PPP6R2: variants seen among roughly 807,000 people sequenced by gnomAD.
PPP6R2 encodes protein phosphatase 6 regulatory subunit 2.
PPP6R2 carries 62 observed loss-of-function variants against 100.2 expected under a neutral mutation model. The ratio of observed to expected loss-of-function variants is 0.62; its 90% CI spans 0.50 to 0.76. The LOEUF (loss-of-function observed/expected upper bound fraction) is 0.76. PPP6R2 is among the 30% of genes least tolerant of loss of function. The pLI is 0.00. For missense variants in PPP6R2, 1,142 were observed against 1,276.3 expected (o/e 0.89, Z 1.60); for synonymous variants, 525 against 514.7 (o/e 1.02, Z -0.27).
intron 6 of PPP6R2, among the ~76,000 whole-genome samples, chr22:50,418,557 T>A (rs1041778948): frequency 3.9e-5 from 6 of 152,104 alleles, no homozygotes; most frequent in African/African-American, 1.4e-4. Context: ...CGGCTAATTT[T>A]TTGTATTTTT....
chr22:50,380,901 A>G (rs2052748165), intron 2 of PPP6R2, among the ~76,000 whole-genome samples: 1 of 150,622 alleles, frequency 6.6e-6, no homozygotes, highest in Non-Finnish European at 1.5e-5. Context: ...AGGCAGGAGA[A>G]TGGCCTGAAC....
chr22:50,434,953 C>A lies in PPP6R2; in HGVS notation c.1401-13C>A, dbSNP rs375077895. 6.3e-7 allele frequency: 1 copy of A among 1,598,268 alleles called. No homozygotes were observed. The highest frequency in any genetic ancestry group is 1.3e-5 in the African/African-American group (1 of 74,754). The stretch of plus-strand genomic sequence containing the variant: ...GGCCAGGAGGCCGCCCCGATGGTGC[C>A]TGTTGCTTTCAGGGCAGCGGGTGGC... On this transcript the variant is annotated splice_polypyrimidine_tract_variant and intron_variant, in intron 12 of 23. Coordinates refer to ENST00000612753, the MANE Select transcript of PPP6R2 (RefSeq NM_001242898.2).
At chr22:50,357,681 G>A (rs1035398763) in intron 1 of PPP6R2, among the ~76,000 whole-genome samples, 3 of 151,244 alleles carry the variant, frequency 2.0e-5, no homozygotes, top group East Asian at 3.9e-4. Flanking sequence ...AGGTTGGAGT[G>A]CAGTGGCATG....
At chr22:50,397,537 GCT>G (rs2057158756) in intron 3 of PPP6R2, among the ~76,000 whole-genome samples, 4 of 118,020 alleles carry the variant, frequency 3.4e-5, no homozygotes, top group African/African-American at 1.7e-4. Flanking sequence ...GACTTGGGAT[GCT>G]GGGGGGCAGG....
At chr22:50,363,683 G>T (rs990870637) in intron 1 of PPP6R2, among the ~76,000 whole-genome samples, 2 of 152,116 alleles carry the variant, frequency 1.3e-5, no homozygotes, top group South Asian at 2.1e-4. Flanking sequence ...CTGCTCTTAC[G>T]GACGGACCTG....
intron 1 of PPP6R2, among the ~76,000 whole-genome samples, chr22:50,359,615 CAT>C (rs1270944877): frequency 2.0e-5 from 3 of 152,120 alleles, no homozygotes. Flanking sequence ...CCTTTATCCA[CAT>C]GTGATATGTT....
In PPP6R2 at chr22:50,444,019, C is replaced by T; in HGVS notation, c.2733C>T (p.Val911=). The T allele has an allele frequency of 6.2e-7, 1 of 1,613,508 alleles. No homozygotes were observed. Among genetic ancestry groups the T allele is most frequent in the Non-Finnish European group, 8.5e-7 (1 of 1,179,962 alleles). Reference sequence around the variant, plus strand: ...GCCCCGCCATACCCACCCCAGCAGTCTCTTCTGCACTGGCCGTGGCGGTCC... The same window carrying T: ...GCCCCGCCATACCCACCCCAGCAGTTTCTTCTGCACTGGCCGTGGCGGTCC... ...KAGPAIPTPA[V]SSALAVAVPL... The change falls in exon 23 of 24, where the codon GTC becomes GTT. Residue 911 remains valine (V), a synonymous_variant. Coordinates refer to ENST00000612753, the MANE Select transcript of PPP6R2 (RefSeq NM_001242898.2).
intron 8 of PPP6R2, 130 bp downstream of exon 8, chr22:50,419,592 G>C: frequency 1.5e-6 from 1 of 676,022 alleles, no homozygotes; most frequent in Non-Finnish European, 2.6e-6. Flanking sequence ...AACATGGATA[G>C]ATTCCCCTTG....
At position 50,440,052 on chromosome 22, in the gene PPP6R2, G is replaced by A. The variant is rs1450327400; in HGVS notation, c.2374+3G>A. The A allele has an allele frequency of 2.5e-6, 4 of 1,610,984 alleles. No homozygotes were observed. Among genetic ancestry groups the A allele is most frequent in the Non-Finnish European group, 3.4e-6 (4 of 1,178,372 alleles). On this transcript the variant is annotated splice_donor_region_variant and intron_variant, in intron 21 of 23. Coordinates refer to ENST00000612753, the MANE Select transcript of PPP6R2 (RefSeq NM_001242898.2). ...GAGCCAAGGCCCTGAGAAAGCCTGT[G>A]AGTAGGAGCAGTGCAGGCGGCACCC...
chr22:50,339,886 T>TG (rs2042352078), upstream of PPP6R2, among the ~76,000 whole-genome samples: 1 of 111,920 alleles, frequency 8.9e-6, no homozygotes, highest in Admixed American at 9.7e-5. Flanking sequence ...GTGGTGTGTG[T>TG]GTGGGGTGTG....
At chr22:50,409,198 A>C (rs899612044) in intron 4 of PPP6R2, among the ~76,000 whole-genome samples, 4 of 152,122 alleles carry the variant, frequency 2.6e-5, no homozygotes, top group Non-Finnish European at 5.9e-5. Context: ...AAACTGTGGG[A>C]GTAGCCTAAA....
At chr22:50,361,761 ACAACAAATATAG>A (rs886660440) in intron 1 of PPP6R2, among the ~76,000 whole-genome samples, 1 of 151,896 alleles carries the variant, frequency 6.6e-6, no homozygotes, top group African/African-American at 2.4e-5. Flanking sequence ...TATATTATTG[ACAACAAATATAG>A]CATAGGTGCG....
In PPP6R2 at chr22:50,356,058, G is replaced by A. The variant is rs2046493396; in HGVS notation, c.-148+12508G>A. 1.1e-4 allele frequency among the ~76,000 whole-genome samples: 16 copies of A among 150,240 alleles called. No homozygotes were observed. The South Asian group carries it at 3.2e-3, about 30-fold the overall frequency. ...GCTCACTGCAAGCTCCGCCTCCCAGGTTCATGCCATTCTCCTGCCTCAGCC... is the reference window on the plus strand; with the variant it reads ...GCTCACTGCAAGCTCCGCCTCCCAGATTCATGCCATTCTCCTGCCTCAGCC... On this transcript the variant is annotated intron_variant, in intron 1 of 23. Coordinates refer to ENST00000612753, the MANE Select transcript of PPP6R2 (RefSeq NM_001242898.2).
At chr22:50,352,898 C>T (rs1056634493) in intron 1 of PPP6R2, among the ~76,000 whole-genome samples, 1 of 151,640 alleles carries the variant, frequency 6.6e-6, no homozygotes, top group South Asian at 2.1e-4. Context: ...GAAACCTCAT[C>T]GCTACAAAAT....
intron 2 of PPP6R2, among the ~76,000 whole-genome samples, chr22:50,392,913 A>G (rs771692145): frequency 2.6e-5 from 4 of 152,238 alleles, no homozygotes; most frequent in Non-Finnish European, 5.9e-5. Flanking sequence ...TAAGTAAAAA[A>G]TTAGATAAGA....
intron 3 of PPP6R2, among the ~76,000 whole-genome samples, chr22:50,400,265 C>T (rs1485355716): frequency 6.6e-6 from 1 of 152,226 alleles, no homozygotes; most frequent in Non-Finnish European, 1.5e-5. Context: ...CCATCCACTC[C>T]ACATCCATTG....
rs2061621665 is a variant in PPP6R2 at position 50,423,678 on chromosome 22, G to T, written c.1125+64G>T. The T allele has an allele frequency of 6.3e-7, 1 of 1,585,790 alleles. No individual in the cohort carries two copies. Among genetic ancestry groups the T allele is most frequent in the Non-Finnish European group, 8.6e-7 (1 of 1,160,068 alleles). Reference sequence around the variant, plus strand: ...TGTGCCGGGCATGGCCTGTGGACTTGTCAGGAGCAGCAGAGCAGGGCCCCA... The same window carrying T: ...TGTGCCGGGCATGGCCTGTGGACTTTTCAGGAGCAGCAGAGCAGGGCCCCA... On this transcript the variant is annotated intron_variant, in intron 10 of 23. Transcript: ENST00000612753. The surrounding 1 kb of genome is among the most constrained non-coding windows in gnomAD (Gnocchi z 4.8).
upstream of PPP6R2, among the ~76,000 whole-genome samples, chr22:50,343,056 TTAAC>T (rs913185357): frequency 6.6e-6 from 1 of 152,154 alleles, no homozygotes; most frequent in Admixed American, 6.5e-5. Context: ...TACAACAAAA[TTAAC>T]TATGCTTGCA....
intron 22 of PPP6R2, among the ~76,000 whole-genome samples, chr22:50,441,642 G>A (rs1359488754): frequency 6.6e-6 from 1 of 151,392 alleles, no homozygotes; most frequent in Non-Finnish European, 1.5e-5. Flanking sequence ...TTGCAGGCTG[G>A]CAGAGGCCCA....
Sources: allele counts gnomAD v4.1 joint callset (sites outside exome capture counted in the v4.1 genomes callset), GRCh38; gene constraint gnomAD v4.1.1; non-coding constraint Gnocchi (gnomAD v3.1); transcripts MANE v1.5; gene names NCBI Gene and HGNC (gene_info 2026-07-23, HGNC 2026-07-21).